Variants in GPC5 observed in about 807,000 individuals in gnomAD.
GPC5 encodes glypican 5.
Under a neutral mutation model 53.9 loss-of-function variants are expected in GPC5, and 47 were observed. The observed-to-expected ratio is 0.87, with a 90% confidence interval of 0.69 to 1.11. GPC5 has a LOEUF of 1.11. GPC5 is among the 50% of genes most tolerant of loss of function. The pLI, the probability that GPC5 is intolerant of heterozygous loss-of-function variation, is 0.00. For synonymous variants in GPC5, 286 were observed against 263.3 expected, an observed-to-expected ratio of 1.09 and a Z score of -0.84; for missense variants, 748 against 713.1, an observed-to-expected ratio of 1.05 and a Z score of -0.56.
At chr13:92,333,172 C>T (rs1016567909) in intron 7 of GPC5, among the ~76,000 whole-genome samples, 4 of 152,124 alleles carry the variant, frequency 2.6e-5, no homozygotes, top group African/African-American at 9.7e-5. Context: ...GGGGAACCCA[C>T]AAAATGGAGC....
chr13:92,654,704 A>C (rs536911881), intron 7 of GPC5, among the ~76,000 whole-genome samples: 2 of 151,946 alleles, frequency 1.3e-5, no homozygotes, highest in Non-Finnish European at 2.9e-5. Flanking sequence ...TGTTAAAAAT[A>C]GTTTTGTAAT....
At chr13:92,069,830 G>T (rs1403166185) in intron 6 of GPC5, among the ~76,000 whole-genome samples, 1 of 152,050 alleles carries the variant, frequency 6.6e-6, no homozygotes, top group Non-Finnish European at 1.5e-5. Flanking sequence ...TCTTTTGCCC[G>T]TGAGATTCTG....
chr13:91,671,794 A>C (rs1054179050), intron 2 of GPC5, among the ~76,000 whole-genome samples: 6 of 149,472 alleles, frequency 4.0e-5, no homozygotes, highest in Non-Finnish European at 7.4e-5. Context: ...AAAAAAAAAA[A>C]AAAAAAAAAA....
chr13:91,458,911 A>C (rs1342488334), intron 2 of GPC5, among the ~76,000 whole-genome samples: 1 of 152,156 alleles, frequency 6.6e-6, no homozygotes, highest in African/African-American at 2.4e-5. Context: ...CATTTGCAAC[A>C]ACCTAGATGG....
intron 6 of GPC5, among the ~76,000 whole-genome samples, chr13:91,944,054 T>C (rs969148421): frequency 2.0e-5 from 3 of 152,016 alleles, no homozygotes; most frequent in Non-Finnish European, 4.4e-5. Context: ...AACTATTTGA[T>C]TTTGATTTTT....
chr13:91,478,284 T>C (rs1883050780), intron 2 of GPC5, among the ~76,000 whole-genome samples: 1 of 152,190 alleles, frequency 6.6e-6, no homozygotes, highest in Non-Finnish European at 1.5e-5. Context: ...TTTTGATTGG[T>C]GTATGCATTC....
intron 7 of GPC5, among the ~76,000 whole-genome samples, chr13:92,381,679 T>A (rs936902754): frequency 1.3e-4 from 19 of 151,424 alleles, no homozygotes; most frequent in African/African-American, 4.6e-4. Context: ...GAAGACATGA[T>A]TCGAAAACGA....
chr13:92,771,896 T>C (rs936419453), intron 7 of GPC5, among the ~76,000 whole-genome samples: 1 of 152,166 alleles, frequency 6.6e-6, no homozygotes, highest in African/African-American at 2.4e-5. Context: ...ATCTAATAAA[T>C]AGGAAAATCA....
intron 7 of GPC5, among the ~76,000 whole-genome samples, chr13:92,226,061 C>T (rs777374731): frequency 2.0e-5 from 3 of 152,126 alleles, no homozygotes; most frequent in Non-Finnish European, 2.9e-5. Flanking sequence ...AATGAGTTCT[C>T]ACAAGATCTG....
At chr13:92,327,988 C>A (rs529898075) in intron 7 of GPC5, among the ~76,000 whole-genome samples, 1 of 152,268 alleles carries the variant, frequency 6.6e-6, no homozygotes, top group Admixed American at 6.6e-5. Context: ...CCCAGCCAGG[C>A]CTGATCCTCT....
In GPC5 at chr13:91,650,750, G is replaced by GTTTTTGTTTTTTTTTTTTTT. The variant is rs1491353283; in HGVS notation, c.326-42432_326-42431insGTTTTTTTTTTTTTTTTTTT. 7.0e-4 allele frequency among the ~76,000 whole-genome samples: 70 copies of GTTTTTGTTTTTTTTTTTTTT among 99,602 alleles called. 3 individuals are homozygous for GTTTTTGTTTTTTTTTTTTTT. The highest frequency in any genetic ancestry group is 2.0e-3 in the East Asian group (6 of 3,042). 65.3% of individuals were successfully genotyped at this position (99,602 alleles called of 152,430 possible). On this transcript the variant is annotated intron_variant, in intron 2 of 7. Transcript: ENST00000377067. The stretch of plus-strand genomic sequence containing the variant: ...CATCTGTGAAACAAAATTCCCATAA[G>GTTTTTGTTTTTTTTTTTTTT]TTTTTTTTTTTTTTTTTTTTTTAGC...
At chr13:91,760,484 G>A (rs987864725) in intron 5 of GPC5, among the ~76,000 whole-genome samples, 29 of 152,294 alleles carry the variant, frequency 1.9e-4, no homozygotes, top group Admixed American at 1.7e-3. Context: ...ATTTGGGGAT[G>A]ATAGAGTGTT....
intron 1 of GPC5, among the ~76,000 whole-genome samples, chr13:91,437,813 G>A (rs1002751314): frequency 5.3e-5 from 8 of 152,076 alleles, no homozygotes; most frequent in East Asian, 1.9e-4. Flanking sequence ...ACATAGATTT[G>A]GTCTTTTCAC....
intron 5 of GPC5, among the ~76,000 whole-genome samples, chr13:91,860,778 A>G (rs1279077358): frequency 1.3e-5 from 2 of 152,144 alleles, no homozygotes; most frequent in Non-Finnish European, 2.9e-5. Context: ...CTGGGATTAC[A>G]GGCATGAGCC....
chr13:91,467,600 C>T (rs658185), intron 2 of GPC5, among the ~76,000 whole-genome samples: 148,814 of 152,222 alleles, frequency 0.98, 72,852 homozygotes, highest in Middle Eastern at 1. Context: ...TGCTGTTTTT[C>T]CAAGAACATT....
chr13:92,749,410 G>A (rs1889322574), intron 7 of GPC5, among the ~76,000 whole-genome samples: 1 of 151,876 alleles, frequency 6.6e-6, no homozygotes, highest in African/African-American at 2.4e-5. Flanking sequence ...TTCATTGTTT[G>A]TGATTATGAG....
chr13:91,776,550 A>C (rs955224774), intron 5 of GPC5, among the ~76,000 whole-genome samples: 7 of 152,300 alleles, frequency 4.6e-5, no homozygotes, highest in Middle Eastern at 6.8e-3. Flanking sequence ...TTCCAGAAAT[A>C]AAAAACTAAA....
At chr13:92,481,525 G>C (rs968610128) in intron 7 of GPC5, among the ~76,000 whole-genome samples, 1 of 152,100 alleles carries the variant, frequency 6.6e-6, no homozygotes, top group African/African-American at 2.4e-5. Context: ...CTTTGTATCC[G>C]GAAAGCAAAA....
In GPC5 at chr13:91,943,868, CTT is replaced by C. The variant is rs567534441; in HGVS notation, c.1401+35820_1401+35821del. Among the ~76,000 whole-genome samples the C allele has an allele frequency of 7.2e-4, 106 of 147,620 alleles. 1 individual carries two copies. The highest frequency in any genetic ancestry group is 2.5e-3 in the African/African-American group (99 of 40,260). ...CTTACAAATTACAAGTTTGAAATGA[CTT>C]TTTTTTTTAAGAAAAAAAAGATGGA... On this transcript the variant is annotated intron_variant, in intron 6 of 7. Coordinates refer to ENST00000377067, the MANE Select transcript of GPC5 (RefSeq NM_004466.6).
Sources: gnomAD v4.1 joint callset for allele counts (sites outside exome capture counted in the v4.1 genomes callset) on GRCh38, gnomAD v4.1.1 for gene constraint, MANE v1.5 for transcripts, NCBI Gene and HGNC (gene_info 2026-07-23, HGNC 2026-07-21) for gene names.